RBL1: variants seen among roughly 807,000 people sequenced by gnomAD.
RBL1 encodes the protein retinoblastoma-like protein 1.
Under a neutral mutation model 123.0 loss-of-function variants are expected in RBL1, and 82 were observed. That is an observed-to-expected ratio of 0.67 (90% CI 0.56 to 0.80). The LOEUF (loss-of-function observed/expected upper bound fraction) is 0.80, where lower values mean the gene tolerates loss of function less well. Ranked by LOEUF, RBL1 falls within the 30% of genes least tolerant of loss-of-function variation. RBL1 has a pLI of 0.00. For missense variants in RBL1, 1,171 were observed against 1,299.6 expected (o/e 0.90, Z 1.52); for synonymous variants, 405 against 441.3 (o/e 0.92, Z 1.03).
intron 19 of RBL1, among the ~76,000 whole-genome samples, chr20:37,016,971 A>G (rs1413998059): frequency 4.6e-5 from 7 of 151,244 alleles, no homozygotes; most frequent in Admixed American, 4.6e-4. Flanking sequence ...AAGAGAGGAA[A>G]GGAGAGGAGA....
chr20:37,043,082 G>C (rs2064758261), intron 13 of RBL1, among the ~76,000 whole-genome samples: 1 of 152,034 alleles, frequency 6.6e-6, no homozygotes, highest in East Asian at 1.9e-4. Context: ...GCTGAGATGG[G>C]AGGACTGCTT....
chr20:37,055,255 T>A (rs890560884), intron 11 of RBL1, among the ~76,000 whole-genome samples: 5 of 145,130 alleles, frequency 3.4e-5, no homozygotes, highest in Non-Finnish European at 6.0e-5. Context: ...ACAAATGTCT[T>A]AATTAACAGT....
rs766199601 is a variant in RBL1 at position 37,055,659 on chromosome 20, AT to A, written c.1364-4del. On this transcript the variant is annotated splice_polypyrimidine_tract_variant and splice_region_variant and intron_variant, in intron 10 of 21. Coordinates refer to ENST00000373664, the MANE Select transcript of RBL1 (RefSeq NM_002895.5). ...CTTTAGTCTGTTTACAGCAAAGTCT[AT>A]CAGGGAAATACAGAGAAAACATGTG... 817 of 1,604,034 alleles carry A rather than the reference AT, an allele frequency of 5.1e-4. 1 individual carries two copies. The highest frequency in any genetic ancestry group is 6.5e-4 in the Non-Finnish European group (768 of 1,176,216).
rs763861426 is a variant in RBL1 at position 37,067,307 on chromosome 20, G to GA, written c.492-11dup. 74 of 1,581,722 alleles carry GA rather than the reference G, an allele frequency of 4.7e-5. No homozygotes were observed. The highest frequency in any genetic ancestry group is 8.2e-5 in the South Asian group (7 of 85,312). ...ACTGCAAGGAATCCTCCTAAAAAGG[G>GA]AAAAAAATTACTTTTTGTCTGACTA... On this transcript the variant is annotated splice_polypyrimidine_tract_variant and intron_variant, in intron 3 of 21. Transcript: ENST00000373664.
intron 19 of RBL1, among the ~76,000 whole-genome samples, chr20:37,012,283 C>G (rs1170914617): frequency 6.6e-6 from 1 of 152,054 alleles, no homozygotes; most frequent in African/African-American, 2.4e-5. Context: ...GCCCGGCCGC[C>G]ACCCCGTCTG....
intron 14 of RBL1, among the ~76,000 whole-genome samples, chr20:37,039,295 C>T (rs1463889688): frequency 6.6e-6 from 1 of 152,104 alleles, no homozygotes; most frequent in Non-Finnish European, 1.5e-5. Flanking sequence ...GAGACATACA[C>T]AGGCAAAGGA....
intron 14 of RBL1, among the ~76,000 whole-genome samples, chr20:37,038,062 G>A (rs2064654806): frequency 1.5e-5 from 2 of 136,444 alleles, no homozygotes; most frequent in Non-Finnish European, 3.0e-5. Context: ...TGCGATCTCC[G>A]CTCACTGCAA....
At chr20:37,036,294 A>G (rs1363448479) in intron 14 of RBL1, among the ~76,000 whole-genome samples, 4 of 152,122 alleles carry the variant, frequency 2.6e-5, no homozygotes, top group African/African-American at 7.2e-5. Flanking sequence ...TTATTTATTT[A>G]TGAGATGGAG....
At chr20:37,062,316 GATTT>G (rs1355746321) in intron 7 of RBL1, 46 bp from the exon 8 acceptor site, 12 of 1,574,212 alleles carry the variant, frequency 7.6e-6, no homozygotes, top group Non-Finnish European at 1.0e-5. Flanking sequence ...TTACACAATG[GATTT>G]ATTTTGACTT....
At chr20:37,067,432 T>C (rs2065196461) in intron 3 of RBL1, 135 bp from the exon 4 acceptor site, 3 of 752,230 alleles carry the variant, frequency 4.0e-6, no homozygotes, top group Middle Eastern at 4.0e-4. Context: ...ATCTATTATT[T>C]ATGAAATGGA....
chr20:37,047,256 G>A, intron 11 of RBL1, 66 bp from the exon 12 acceptor site: 1 of 1,518,442 alleles, frequency 6.6e-7, no homozygotes, highest in South Asian at 1.3e-5. Flanking sequence ...ATTCCATAAA[G>A]AAACCTATAA....
chr20:37,065,397 C>T, intron 7 of RBL1, 27 bp downstream of exon 7: 2 of 1,501,898 alleles, frequency 1.3e-6, no homozygotes, highest in Non-Finnish European at 1.8e-6. Context: ...TGTGATAAGC[C>T]AGGCACCATT....
intron 21 of RBL1, among the ~76,000 whole-genome samples, chr20:36,999,875 C>T (rs931667278): frequency 1.3e-5 from 2 of 152,160 alleles, no homozygotes; most frequent in East Asian, 1.9e-4. Context: ...GCCTTGGCCC[C>T]GCAAAGTGCC....
chr20:37,026,032 C>T lies in RBL1; in HGVS notation c.2383-3206G>A, dbSNP rs1156263751. 3.9e-5 allele frequency among the ~76,000 whole-genome samples: 6 copies of T among 151,966 alleles called. No individual in the cohort carries two copies. The South Asian group carries it at 8.3e-4, about 21-fold the overall frequency. ...TGCTAGGATTATAGGCGTGAGCCACCGACCTGGCCAGGACCTGGGTTCTTA... is the reference window on the plus strand; with the variant it reads ...TGCTAGGATTATAGGCGTGAGCCACTGACCTGGCCAGGACCTGGGTTCTTA... On this transcript the variant is annotated intron_variant, in intron 16 of 21. Transcript: ENST00000373664.
intron 2 of RBL1, among the ~76,000 whole-genome samples, chr20:37,081,333 G>A (rs1360257663): frequency 1.3e-5 from 2 of 152,024 alleles, no homozygotes; most frequent in Non-Finnish European, 2.9e-5. Flanking sequence ...TTTTTTATCA[G>A]CTCTATAAAG....
intron 2 of RBL1, among the ~76,000 whole-genome samples, 162 bp downstream of exon 2, chr20:37,088,827 C>G (rs953011044): frequency 1.3e-5 from 2 of 152,066 alleles, no homozygotes; most frequent in Admixed American, 6.6e-5. Flanking sequence ...TGTGCCACTG[C>G]ACTCCAGCCT....
chr20:37,040,622 G>C (rs2064707427), intron 13 of RBL1, among the ~76,000 whole-genome samples: 1 of 152,166 alleles, frequency 6.6e-6, no homozygotes, highest in South Asian at 2.1e-4. Flanking sequence ...CAAAGTGCTA[G>C]GATTACAGGT....
At chr20:37,078,881 T>TG (rs1390809499) in intron 2 of RBL1, among the ~76,000 whole-genome samples, 125 of 140,742 alleles carry the variant, frequency 8.9e-4, no homozygotes, top group East Asian at 4.0e-3. Context: ...GGTCTTTTTT[T>TG]GGGGGGCGGG....
At chr20:37,055,504 A>G in intron 11 of RBL1, 49 bp downstream of exon 11, 1 of 1,612,504 alleles carries the variant, frequency 6.2e-7, no homozygotes, top group Non-Finnish European at 8.5e-7. Flanking sequence ...CACTGCTTCC[A>G]GGCTGACTTT....
Sources: gnomAD v4.1 joint callset for allele counts (sites outside exome capture counted in the v4.1 genomes callset) on GRCh38, gnomAD v4.1.1 for gene constraint, MANE v1.5 for transcripts, NCBI Gene and HGNC (gene_info 2026-07-23, HGNC 2026-07-21) for gene names.